The following SBNO1 variants were observed in gnomAD, a reference collection of about 807,000 sequenced individuals.
SBNO1 encodes the protein strawberry notch homolog 1.
In SBNO1, 23 loss-of-function variants were observed where a neutral mutation model predicts 173.6. The ratio of observed to expected loss-of-function variants is 0.13; its 90% confidence interval spans 0.10 to 0.19. SBNO1 has a LOEUF of 0.19. SBNO1 is among the 10% of genes least tolerant of loss of function. The pLI is 1.00. For synonymous variants in SBNO1, 632 were observed against 571.5 expected, an observed-to-expected ratio of 1.11 and a Z score of -1.51; for missense variants, 1,238 against 1,671.2, an observed-to-expected ratio of 0.74 and a Z score of 4.52.
chr12:123,364,109 G>T, intron 1 of SBNO1: 1 of 985,594 alleles, frequency 1.0e-6, no homozygotes, highest in Non-Finnish European at 1.2e-6. Context: ...GCCTGGAGAG[G>T]CGTGAAGGGA....
chr12:123,337,061 A>ACTTC (rs1871938844), intron 5 of SBNO1, among the ~76,000 whole-genome samples: 2 of 152,214 alleles, frequency 1.3e-5, no homozygotes, highest in African/African-American at 4.8e-5. Context: ...GGCCCTTATG[A>ACTTC]AGAACAGAAA....
At chr12:123,320,333 T>C in intron 19 of SBNO1, 99 bp downstream of exon 19, 1 of 1,172,518 alleles carries the variant, frequency 8.5e-7, no homozygotes, top group South Asian at 1.5e-5. Context: ...TTCTATGATC[T>C]AAGAAATTTA....
intron 5 of SBNO1, among the ~76,000 whole-genome samples, chr12:123,338,826 T>C (rs979180145): frequency 5.9e-5 from 9 of 151,626 alleles, no homozygotes; most frequent in African/African-American, 1.5e-4. Context: ...TGAGCTGAGA[T>C]TGCACCACTG....
In SBNO1 at chr12:123,291,843, A is replaced by C. The variant is rs532051915; in HGVS notation, c.*4065T>G. 3.3e-5 allele frequency: 5 copies of C among 152,252 alleles called. No individual in the cohort carries two copies. The highest frequency in any genetic ancestry group is 2.4e-5 in the African/African-American group (1 of 41,554). The allele number at this position is 152,252 out of a possible 1,614,324, so 9.4% of individuals were successfully genotyped here. On this transcript the variant is annotated 3_prime_UTR_variant, in exon 32 of 32. Coordinates refer to ENST00000602398, the MANE Select transcript of SBNO1 (RefSeq NM_001167856.3). ...ATCCAGAAGAACTCAACATTTCTCT[A>C]TATATACATTTATGTACATATATAT...
intron 4 of SBNO1, among the ~76,000 whole-genome samples, chr12:123,343,386 C>T (rs1049714195): frequency 2.0e-5 from 3 of 152,072 alleles, no homozygotes; most frequent in Non-Finnish European, 4.4e-5. Flanking sequence ...AGGTTAGAAC[C>T]CAAAGGGGCA....
intron 13 of SBNO1, among the ~76,000 whole-genome samples, chr12:123,327,007 G>GT (rs1870686961): frequency 6.7e-6 from 1 of 150,350 alleles, no homozygotes; most frequent in Non-Finnish European, 1.5e-5. Context: ...TTTGTTTTTT[G>GT]TTTTTGTTTT....
Position 123,352,486 on chromosome 12 carries a change from T to TG in SBNO1, c.1-2046_1-2045insC, listed in dbSNP as rs1873992940. Among the ~76,000 whole-genome samples the TG allele has an allele frequency of 5.3e-5, 8 of 152,208 alleles. No homozygotes were observed. In the South Asian group the frequency reaches 1.7e-3, roughly 32 times the overall value. ...TTTTTGTATTTAGTAGAGACAGGGTTTCACAATGTTGGCCAGGCTGGTCTC... is the reference window on the plus strand; with the variant it reads ...TTTTTGTATTTAGTAGAGACAGGGTTGTCACAATGTTGGCCAGGCTGGTCTC... On this transcript the variant is annotated intron_variant, in intron 1 of 31. Coordinates refer to ENST00000602398, the MANE Select transcript of SBNO1 (RefSeq NM_001167856.3).
chr12:123,312,875 G>A (rs1868765451), intron 24 of SBNO1, among the ~76,000 whole-genome samples: 2 of 152,012 alleles, frequency 1.3e-5, no homozygotes, highest in South Asian at 4.2e-4. Flanking sequence ...ATTTACCTAG[G>A]TACTTTTTCA....
At chr12:123,305,342 A>G (rs570149955) in intron 28 of SBNO1, among the ~76,000 whole-genome samples, 1 of 152,366 alleles carries the variant, frequency 6.6e-6, no homozygotes, top group Non-Finnish European at 1.5e-5. Context: ...CACATGATAA[A>G]GTGTTCTGTA....
At chr12:123,301,941 G>GTT (rs745544572) in intron 30 of SBNO1, among the ~76,000 whole-genome samples, 16 of 146,094 alleles carry the variant, frequency 1.1e-4, no homozygotes, top group Admixed American at 3.4e-4. Flanking sequence ...CGAAAAAGTG[G>GTT]TTTGTTTTTT....
At chr12:123,329,917 CATTGTCTTTCAGCTTACAGAATT>C (rs1871019105) in intron 9 of SBNO1, among the ~76,000 whole-genome samples, 1 of 152,182 alleles carries the variant, frequency 6.6e-6, no homozygotes, top group African/African-American at 2.4e-5. Context: ...CACTGGCACA[CATTGTCTTTCAGCTTACAGAATT>C]GTTTTCATGT....
intron 1 of SBNO1, among the ~76,000 whole-genome samples, chr12:123,356,525 C>T (rs2139094302): frequency 6.6e-6 from 1 of 152,260 alleles, no homozygotes; most frequent in African/African-American, 2.4e-5. Context: ...AACCTTGAAT[C>T]CGCCCCCCTG....
intron 4 of SBNO1, 33 bp from the exon 5 acceptor site, chr12:123,341,121 G>A (rs1253562980): frequency 8.1e-7 from 1 of 1,231,668 alleles, no homozygotes; most frequent in Non-Finnish European, 1.1e-6. Flanking sequence ...ACATTTAGAA[G>A]AAAATTCTGA....
chr12:123,337,333 C>G (rs114434777), intron 5 of SBNO1, among the ~76,000 whole-genome samples: 3 of 152,320 alleles, frequency 2.0e-5, no homozygotes, highest in African/African-American at 7.2e-5. Flanking sequence ...CCAGTACAAT[C>G]ATTAGGCAAC....
intron 15 of SBNO1, among the ~76,000 whole-genome samples, chr12:123,325,067 T>C (rs1468586545): frequency 6.6e-6 from 1 of 152,192 alleles, no homozygotes; most frequent in Non-Finnish European, 1.5e-5. Context: ...CATGTTGGCC[T>C]CCCAAAGTGC....
chr12:123,328,733 C>A lies in SBNO1; in HGVS notation c.1296+1G>T. 1 of 1,540,792 alleles carries A rather than the reference C, an allele frequency of 6.5e-7. No individual in the cohort carries two copies. Among genetic ancestry groups the A allele is most frequent in the Non-Finnish European group, 8.8e-7 (1 of 1,138,172 alleles). ...AGAAAAATATTTGCCATAAAGGATA[C>A]CACTCCATCGAAGTCATCACCGCAC... On this transcript the variant is annotated splice_donor_variant, in intron 10 of 31. Coordinates refer to ENST00000602398, the MANE Select transcript of SBNO1 (RefSeq NM_001167856.3). LOFTEE classifies it high-confidence loss of function.
chr12:123,320,959 G>A (rs1423639994), intron 17 of SBNO1, 93 bp from the exon 18 acceptor site: 2 of 1,099,968 alleles, frequency 1.8e-6, no homozygotes, highest in Non-Finnish European at 2.5e-6. Flanking sequence ...ATTTTTTTGA[G>A]ACAATGTTTC....
intron 23 of SBNO1, 64 bp downstream of exon 23, chr12:123,315,309 T>G: frequency 7.8e-7 from 1 of 1,288,260 alleles, no homozygotes; most frequent in Non-Finnish European, 1.1e-6. Flanking sequence ...ACTTTCCTTT[T>G]GTGTTCCCGA....
intron 1 of SBNO1, among the ~76,000 whole-genome samples, chr12:123,357,614 GC>G: frequency 5.2e-3 from 5 of 968 alleles, no homozygotes; most frequent in Non-Finnish European, 0.015. Flanking sequence ...GGTGGCGGGT[GC>G]CTGGTGGCGG....
Sources: gnomAD v4.1 joint callset for allele counts (sites outside exome capture counted in the v4.1 genomes callset) on GRCh38, gnomAD v4.1.1 for gene constraint, MANE v1.5 for transcripts, NCBI Gene and HGNC (gene_info 2026-07-23, HGNC 2026-07-21) for gene names.